The following PPOX variants were observed in gnomAD, a reference collection of about 807,000 sequenced individuals.
PPOX encodes the protein variegate porphyria.
Under a neutral mutation model 54.1 loss-of-function variants are expected in PPOX, and 23 were observed. The observed-to-expected ratio is 0.43, with a 90% CI of 0.31 to 0.60. The LOEUF is 0.60. Among genes scored for constraint, PPOX ranks in the 20% least tolerant of loss-of-function variants. PPOX has a pLI of 0.13. For missense variants in PPOX, 512 were observed against 601.1 expected (o/e 0.85, Z 1.55); for synonymous variants, 224 against 236.1 (o/e 0.95, Z 0.47).
intron 7 of PPOX, 116 bp downstream of exon 7, chr1:161,169,299 G>A (rs1571372806): frequency 3.1e-6 from 4 of 1,279,330 alleles, no homozygotes; most frequent in Non-Finnish European, 4.4e-6. Context: ...TGCCTTAGAA[G>A]CTACTTAGAC....
At chr1:161,171,290 A>G (rs1391347739), downstream of PPOX, 7 of 1,549,936 alleles carry the variant, frequency 4.5e-6, no homozygotes, top group East Asian at 2.2e-5. Context: ...TGTGCCTGGG[A>G]TGCAGAAAGC....
At chr1:161,170,234 A>G in intron 9 of PPOX, 175 bp from the exon 10 acceptor site, 1 of 831,058 alleles carries the variant, frequency 1.2e-6, no homozygotes, top group Non-Finnish European at 2.0e-6. Flanking sequence ...CTAAGGCAGG[A>G]GAATCGCTTG....
chr1:161,167,416 G>A lies in PPOX; in HGVS notation c.268G>A (p.Asp90Asn). The A allele has an allele frequency of 6.2e-7, 1 of 1,613,844 alleles. No individual in the cohort carries two copies. The highest frequency in any genetic ancestry group is 2.2e-5 in the East Asian group (1 of 44,876). ...LDSEVLPVRG[D>N]HPAAQNRFLY... ...TTCAGAAGTGCTGCCTGTCCGGGGA[G>A]ACCACCCAGCTGCCCAGAACAGGTT... is the stretch of plus-strand genomic sequence containing the variant. Residue 90 changes from aspartate to asparagine, a missense_variant, in exon 4 of 13, where the codon GAC becomes AAC. By Grantham distance (23) the Asp-to-Asn change is conservative. Transcript: ENST00000367999.
In PPOX at chr1:161,169,094, C is replaced by T. The variant is rs773915157; in HGVS notation, c.718C>T (p.Leu240Phe). The T allele has an allele frequency of 3.7e-6, 6 of 1,614,190 alleles. No individual in the cohort carries two copies. The South Asian group carries it at 6.6e-5, about 18-fold the overall frequency. ...RGGLEMLPQA[L>F]ETHLTSRGVS... ...AGGTCTAGAGATGTTGCCTCAGGCCCTTGAAACCCACCTGACTAGTAGGGG... is the reference window on the plus strand; with the variant it reads ...AGGTCTAGAGATGTTGCCTCAGGCCTTTGAAACCCACCTGACTAGTAGGGG... The change falls in exon 7 of 13, where the codon CTT becomes TTT. Residue 240 changes from leucine to phenylalanine, a missense_variant. By Grantham distance (22) the Leu-to-Phe change is conservative. Coordinates refer to ENST00000367999, the MANE Select transcript of PPOX (RefSeq NM_001122764.3).
downstream of PPOX, chr1:161,172,356 G>C (rs1208071122): frequency 6.3e-7 from 1 of 1,596,386 alleles, no homozygotes; most frequent in East Asian, 2.2e-5. Context: ...AGGGTATCAT[G>C]GGGGATCCAG....
intron 4 of PPOX, chr1:161,176,760 C>A: frequency 9.3e-7 from 1 of 1,071,490 alleles, no homozygotes; most frequent in Non-Finnish European, 1.4e-6. Flanking sequence ...GTGTCAGGTT[C>A]ATACTTAACC....
At chr1:161,172,585 C>T (rs993522428), downstream of PPOX, among the ~76,000 whole-genome samples, 16 of 152,244 alleles carry the variant, frequency 1.1e-4, no homozygotes, top group South Asian at 4.1e-4. Flanking sequence ...CCTTGGCTTC[C>T]TAAAGGGCTC....
downstream of PPOX, chr1:161,175,079 C>T: frequency 6.2e-7 from 1 of 1,614,016 alleles, no homozygotes; most frequent in African/African-American, 1.3e-5. Context: ...AGGTGGTGCT[C>T]CCGGGCACGA....
At chr1:161,170,132 C>T in intron 9 of PPOX, 108 bp downstream of exon 9, 1 of 1,346,142 alleles carries the variant, frequency 7.4e-7, no homozygotes, top group Non-Finnish European at 1.0e-6. Context: ...CGAGACCAGC[C>T]TGGCCAACAT....
Position 161,170,708 on chromosome 1 carries a change from C to A in PPOX, c.1187C>A (p.Ala396Glu), listed in dbSNP as rs1361104897. 1 of 1,614,132 alleles carries A rather than the reference C, an allele frequency of 6.2e-7. No homozygotes were observed. The highest frequency in any genetic ancestry group is 2.2e-5 in the East Asian group (1 of 44,866). The change falls in exon 11 of 13, where the codon GCA (alanine) becomes GAA (glutamate). Residue 396 changes from alanine (A) to glutamate (E), a missense_variant. Physicochemically the swap from Ala to Glu is moderately radical, Grantham distance 107. Coordinates refer to ENST00000367999, the MANE Select transcript of PPOX (RefSeq NM_001122764.3). ...CTGTTTCAACAGCGGGCCCAGGAAG[C>A]AGCTGCTACACAATTAGGACTGAAG... ...QELFQQRAQE[A>E]AATQLGLKEM...
chr1:161,168,046 G>A lies in PPOX; in HGVS notation c.390G>A (p.Gly130=), dbSNP rs1241437063. 1 of 1,614,124 alleles carries A rather than the reference G, an allele frequency of 6.2e-7. No homozygotes were observed. Among genetic ancestry groups the A allele is most frequent in the East Asian group, 2.2e-5 (1 of 44,872 alleles). The change falls in exon 5 of 13, where the codon GGG becomes GGA. Residue 130 remains glycine (G), a synonymous_variant. Coordinates refer to ENST00000367999, the MANE Select transcript of PPOX (RefSeq NM_001122764.3). ...PPFSKPLFWA[G]LRELTKPRGK... ...TCTCCAAACCTCTGTTTTGGGCTGG[G>A]CTGAGGGAGCTGACCAAGCCCCGGG...
chr1:161,166,235 A>AGG (rs1219334763), upstream of PPOX: 8 of 964,124 alleles, frequency 8.3e-6, no homozygotes, highest in Middle Eastern at 5.4e-4. Flanking sequence ...GGTCCTGAGG[A>AGG]GGGCAGTGAC....
downstream of PPOX, chr1:161,173,480 A>G: frequency 7.3e-7 from 1 of 1,373,118 alleles, no homozygotes; most frequent in Non-Finnish European, 1.0e-6. Context: ...ACTAAGGGAA[A>G]GGAATGGGCT....
chr1:161,171,942 A>G (rs747011978), downstream of PPOX: 8 of 1,614,160 alleles, frequency 5.0e-6, no homozygotes, highest in South Asian at 2.2e-5. Flanking sequence ...GTGGCCCAGA[A>G]GGAGCCCGAG....
At chr1:161,176,250 T>TA in intron 4 of PPOX, 1 of 710,444 alleles carries the variant, frequency 1.4e-6, no homozygotes, top group Non-Finnish European at 2.3e-6. Flanking sequence ...TAACCACCAG[T>TA]AACCCTACCA....
At position 161,170,932 on chromosome 1, in the gene PPOX, G is replaced by A; in HGVS notation, c.1274G>A (p.Gly425Asp). The change falls in exon 12 of 13, where the codon GGT becomes GAT. Residue 425 changes from glycine to aspartate, a missense_variant. Gly to Asp is a moderately conservative substitution (Grantham distance 94). Transcript: ENST00000367999. The part of the protein sequence containing the change: ...HKNCIPQYTL[G>D]HWQKLESARQ... ...AACTGCATTCCCCAGTATACACTAG[G>A]TCACTGGCAAAAACTAGGTAAGTTG... 6.2e-7 allele frequency: 1 copy of A among 1,614,038 alleles called. No homozygotes were observed.
downstream of PPOX, chr1:161,176,197 GA>G (rs1663449820): frequency 2.3e-5 from 25 of 1,091,634 alleles, no homozygotes; most frequent in South Asian, 3.8e-4. Flanking sequence ...CAAAGTCACA[GA>G]AGGGAGCACA....
downstream of PPOX, chr1:161,176,038 C>T (rs752097487): frequency 1.4e-5 from 22 of 1,614,080 alleles, no homozygotes; most frequent in Admixed American, 5.0e-5. Context: ...CGTGCAAGGC[C>T]GCTCCAGCAG....
chr1:161,174,258 T>C (rs1662611234), downstream of PPOX, among the ~76,000 whole-genome samples: 1 of 151,920 alleles, frequency 6.6e-6, no homozygotes, highest in Non-Finnish European at 1.5e-5. Context: ...ATACAAAAAA[T>C]TAGCTGGGCA....
Sources: gnomAD v4.1 joint callset for allele counts (sites outside exome capture counted in the v4.1 genomes callset) on GRCh38, gnomAD v4.1.1 for gene constraint, MANE v1.5 for transcripts, NCBI Gene and HGNC (gene_info 2026-07-23, HGNC 2026-07-21) for gene names.